The following MORC4 variants were observed in gnomAD, a reference collection of about 807,000 sequenced individuals.
MORC4 encodes MORC family CW-type zinc finger protein 4.
In MORC4, 22 loss-of-function variants were observed where a neutral mutation model predicts 65.5. The ratio of observed to expected loss-of-function variants is 0.34; its 90% CI spans 0.24 to 0.48. The LOEUF is 0.48. MORC4 is among the 20% of genes least tolerant of loss of function. The pLI, the probability that MORC4 is intolerant of heterozygous loss-of-function variation, is 0.99. For synonymous variants in MORC4, 267 were observed against 255.8 expected (o/e 1.04, Z -0.42); for missense variants, 624 against 703.0 (o/e 0.89, Z 1.27).
At chrX:106,988,198 A>C (rs763325069) in intron 3 of MORC4, among the ~76,000 whole-genome samples, 1 of 111,963 alleles carries the variant, frequency 8.9e-6, no homozygotes, top group Non-Finnish European at 1.9e-5. Context: ...ACTTCAAATG[A>C]ATTTGTATCG....
At chrX:106,999,521 C>T (rs1436365966) in intron 2 of MORC4, among the ~76,000 whole-genome samples, 156 bp downstream of exon 2, 1 of 112,038 alleles carries the variant, frequency 8.9e-6, no homozygotes, top group Non-Finnish European at 1.9e-5. Flanking sequence ...AGAGAGCCAT[C>T]CCCCTCCTCC....
Position 106,985,215 on chromosome X carries a change from C to A in MORC4, c.555G>T (p.Leu185Phe). Residue 185 changes from leucine (L) to phenylalanine (F), a missense_variant, in exon 5 of 17, where the codon TTG (leucine) becomes TTT (phenylalanine). Coordinates refer to ENST00000355610, the MANE Select transcript of MORC4 (RefSeq NM_024657.5). ...NKKMIITEDS[L>F]PSLEAILNYS... ...AGTTCAAGATGGCTTCTAGGCTGGG[C>A]AATGAATCCTCGGTAATAATCATTT... 8.5e-7 allele frequency: 1 copy of A among 1,175,476 alleles called. No individual in the cohort carries two copies. Among genetic ancestry groups the A allele is most frequent in the Non-Finnish European group, 1.1e-6 (1 of 872,984 alleles).
intron 10 of MORC4, 73 bp from the exon 11 acceptor site, chrX:106,958,537 A>G: frequency 6.5e-6 from 6 of 920,406 alleles, no homozygotes; most frequent in Non-Finnish European, 8.7e-6. Flanking sequence ...AGAAAGGTGC[A>G]GCCAAAAAAA....
intron 1 of MORC4, 30 bp downstream of exon 1, chrX:106,999,838 C>CCCCCCGCA: frequency 1.2e-6 from 1 of 855,116 alleles, no homozygotes; most frequent in Non-Finnish European, 1.4e-6. Flanking sequence ...GGCCCGCGCG[C>CCCCCCGCA]GCGTCCGCCC....
chrX:106,987,661 G>A (rs769704425), intron 3 of MORC4, among the ~76,000 whole-genome samples: 4 of 111,377 alleles, frequency 3.6e-5, no homozygotes, highest in African/African-American at 9.8e-5. Flanking sequence ...CATGGAGAGC[G>A]GAGGTATCTG....
chrX:106,972,881 T>C (rs1934552457), intron 9 of MORC4, among the ~76,000 whole-genome samples: 1 of 112,588 alleles, frequency 8.9e-6, no homozygotes, highest in Non-Finnish European at 1.9e-5. Context: ...GAGGTTGCGG[T>C]TGCCATTGCA....
chrX:106,997,244 C>T, intron 2 of MORC4, among the ~76,000 whole-genome samples: 1 of 112,183 alleles, frequency 8.9e-6, no homozygotes, highest in Middle Eastern at 4.6e-3. Flanking sequence ...CCTAGACGTT[C>T]TCATATCCTA....
At chrX:106,984,465 C>CTT (rs762110163) in intron 5 of MORC4, among the ~76,000 whole-genome samples, 2,476 of 71,305 alleles carry the variant, frequency 0.035, 280 homozygotes, top group African/African-American at 0.14. Context: ...TTTCTTTTTT[C>CTT]TTTTTTTTTT....
intron 3 of MORC4, 41 bp from the exon 4 acceptor site, chrX:106,986,241 T>G: frequency 9.5e-7 from 1 of 1,052,672 alleles, no homozygotes; most frequent in Non-Finnish European, 1.3e-6. Context: ...AAAAAAGAAA[T>G]CAGAAAGGTA....
At chrX:106,955,137 G>A in intron 13 of MORC4, 49 bp from the exon 14 acceptor site, 1 of 950,057 alleles carries the variant, frequency 1.1e-6, no homozygotes, top group Non-Finnish European at 1.5e-6. Context: ...CAAACCAAAT[G>A]CCAAAGGATG....
rs761899546 is a variant in MORC4 at position 106,999,951 on chromosome X, C to A, written c.19G>T (p.Ala7Ser). 42 of 871,764 alleles carry A rather than the reference C, an allele frequency of 4.8e-5. No individual in the cohort carries two copies. Among genetic ancestry groups the A allele is most frequent in the Middle Eastern group, 1.1e-3 (2 of 1,753 alleles). 71.8% of individuals were successfully genotyped at this position (871,764 alleles called of 1,213,427 possible). A position where few individuals can be genotyped will look rare whatever the true frequency, so the allele number is the denominator to read the frequency against. The change falls in exon 1 of 17, where the codon GCC becomes TCC. Residue 7 changes from alanine (A) to serine (S), a missense_variant. Ala to Ser is a moderately conservative substitution (Grantham distance 99). Transcript: ENST00000355610. MLLYRG[A>S]PAGPGAPGCG... ...CCCGGCGCGCCAGGGCCGGCGGGGG[C>A]CCCTCGGTACAGGAGCATTTTTTTG...
chrX:106,979,384 T>C (rs1428462299), intron 7 of MORC4, among the ~76,000 whole-genome samples: 6 of 111,541 alleles, frequency 5.4e-5, no homozygotes. Flanking sequence ...CATAAAATTA[T>C]CTTTGTAAAG....
intron 9 of MORC4, among the ~76,000 whole-genome samples, chrX:106,971,325 T>A (rs1175415876): frequency 8.9e-6 from 1 of 111,861 alleles, no homozygotes; most frequent in Non-Finnish European, 1.9e-5. Flanking sequence ...TCAAGATGGA[T>A]CAAAGACTTA....
intron 14 of MORC4, among the ~76,000 whole-genome samples, chrX:106,954,110 C>T (rs773896545): frequency 1.8e-5 from 2 of 112,560 alleles, no homozygotes; most frequent in South Asian, 3.7e-4. Context: ...GCAACAAGAG[C>T]GAAACATAAT....
chrX:106,997,440 A>T (rs1156523346), intron 2 of MORC4, among the ~76,000 whole-genome samples: 4 of 111,753 alleles, frequency 3.6e-5, no homozygotes, highest in Admixed American at 9.5e-5. Flanking sequence ...TCAGGCTAAA[A>T]AGCCAGATAT....
chrX:106,985,438 T>C (rs1404396693), intron 4 of MORC4, among the ~76,000 whole-genome samples, 195 bp from the exon 5 acceptor site: 1 of 111,844 alleles, frequency 8.9e-6, no homozygotes, highest in Non-Finnish European at 1.9e-5. Context: ...ATGCAGAATA[T>C]AGCTTCAAAG....
intron 3 of MORC4, among the ~76,000 whole-genome samples, chrX:106,991,160 A>G (rs757065142): frequency 9.9e-5 from 11 of 111,641 alleles, no homozygotes; most frequent in Non-Finnish European, 2.1e-4. Context: ...TTCATATTTC[A>G]ATTTGAATGT....
At chrX:106,948,162 T>C (rs915802894) in intron 14 of MORC4, among the ~76,000 whole-genome samples, 1 of 111,625 alleles carries the variant, frequency 9.0e-6, no homozygotes, top group Non-Finnish European at 1.9e-5. Context: ...TTATGCAATG[T>C]TACATCTTCC....
intron 14 of MORC4, among the ~76,000 whole-genome samples, chrX:106,943,665 A>C (rs1933755928): frequency 8.9e-6 from 1 of 112,681 alleles, no homozygotes; most frequent in African/African-American, 3.2e-5. Flanking sequence ...TTCCCGTATC[A>C]AAGACTTATG....
Sources: gnomAD v4.1 joint callset for allele counts (sites outside exome capture counted in the v4.1 genomes callset) on GRCh38, gnomAD v4.1.1 for gene constraint, MANE v1.5 for transcripts, NCBI Gene and HGNC (gene_info 2026-07-23, HGNC 2026-07-21) for gene names.